MACROD2: variants seen among roughly 807,000 people sequenced by gnomAD.
MACROD2 encodes the protein mono-ADP ribosylhydrolase 2.
Under a neutral mutation model 70.4 loss-of-function variants are expected in MACROD2, and 36 were observed. That is an observed-to-expected ratio of 0.51 (90% CI 0.39 to 0.68). The LOEUF (loss-of-function observed/expected upper bound fraction) is 0.68. Among genes scored for constraint, MACROD2 ranks in the 30% least tolerant of loss-of-function variants. MACROD2 has a pLI of 0.00. For missense variants in MACROD2, 496 were observed against 538.4 expected (o/e 0.92, Z 0.78); for synonymous variants, 172 against 178.8 (o/e 0.96, Z 0.30).
intron 5 of MACROD2, among the ~76,000 whole-genome samples, chr20:14,977,025 C>T (rs2423891): frequency 0.015 from 2,243 of 152,222 alleles, 39 homozygotes; most frequent in Admixed American, 0.04. Context: ...TCAATGATCA[C>T]GTGATCGAAA....
At chr20:15,797,585 T>C (rs552638516) in intron 8 of MACROD2, among the ~76,000 whole-genome samples, 40 of 152,350 alleles carry the variant, frequency 2.6e-4, no homozygotes, top group African/African-American at 9.6e-4. Flanking sequence ...GTCTTCCTTA[T>C]ATCTCATGGG....
intron 4 of MACROD2, among the ~76,000 whole-genome samples, chr20:14,537,624 A>T (rs2085381747): frequency 6.6e-6 from 1 of 152,172 alleles, no homozygotes; most frequent in South Asian, 2.1e-4. Flanking sequence ...AGAGGACGTG[A>T]AGCAGGGCAT....
At chr20:15,424,369 C>T (rs1165428786) in intron 6 of MACROD2, among the ~76,000 whole-genome samples, 2 of 152,158 alleles carry the variant, frequency 1.3e-5, no homozygotes, top group African/African-American at 2.4e-5. Flanking sequence ...GTATATACTG[C>T]ACCCTAGTTA....
At chr20:15,118,365 G>A (rs1192132414) in intron 5 of MACROD2, among the ~76,000 whole-genome samples, 1 of 151,834 alleles carries the variant, frequency 6.6e-6, no homozygotes, top group Non-Finnish European at 1.5e-5. Context: ...GCTAATTTTT[G>A]TATTTTTAGT....
chr20:14,580,143 A>C (rs1298166349), intron 4 of MACROD2, among the ~76,000 whole-genome samples: 2 of 152,218 alleles, frequency 1.3e-5, no homozygotes, highest in Non-Finnish European at 2.9e-5. Flanking sequence ...AAGTACAAAT[A>C]GTCTAGTTGA....
intron 10 of MACROD2, among the ~76,000 whole-genome samples, chr20:15,886,777 A>G (rs1202630481): frequency 1.3e-5 from 2 of 152,138 alleles, no homozygotes; most frequent in African/African-American, 4.8e-5. Context: ...GTCATTTTCT[A>G]TAAGCTGAGT....
At chr20:15,511,447 G>C (rs1258237214) in intron 8 of MACROD2, among the ~76,000 whole-genome samples, 1 of 151,878 alleles carries the variant, frequency 6.6e-6, no homozygotes, top group African/African-American at 2.4e-5. Flanking sequence ...TTGATCATGG[G>C]GTCTTTAAAA....
chr20:15,100,038 T>C (rs977448759), intron 5 of MACROD2, among the ~76,000 whole-genome samples: 3 of 152,136 alleles, frequency 2.0e-5, no homozygotes, highest in Non-Finnish European at 4.4e-5. Context: ...TTTGTGCTCT[T>C]GTGTTTTGTG....
At position 14,475,349 on chromosome 20, in the gene MACROD2, AG is replaced by A. The variant is rs532784381; in HGVS notation, c.272-18129del. On this transcript the variant is annotated intron_variant, in intron 3 of 17. Coordinates refer to ENST00000684519, the MANE Select transcript of MACROD2 (RefSeq NM_001351661.2). Reference sequence around the variant, plus strand: ...ATTAATTAATATAATTATTTTTAATAGTTTTTCTTTTAGTCTTCATATTAAA... The same window carrying A: ...ATTAATTAATATAATTATTTTTAATATTTTTCTTTTAGTCTTCATATTAAA... Among the ~76,000 whole-genome samples, 7 of 152,098 alleles carry A rather than the reference AG, an allele frequency of 4.6e-5. No individual in the cohort carries two copies. The South Asian group carries it at 1.2e-3, about 27-fold the overall frequency.
At chr20:14,654,295 C>T (rs1486195827) in intron 4 of MACROD2, among the ~76,000 whole-genome samples, 1 of 144,034 alleles carries the variant, frequency 6.9e-6, no homozygotes, top group Non-Finnish European at 1.6e-5. Context: ...ACCTGTAATC[C>T]CAGCACTTTG....
intron 3 of MACROD2, among the ~76,000 whole-genome samples, chr20:14,423,310 A>C (rs913360143): frequency 1.3e-5 from 2 of 149,992 alleles, no homozygotes; most frequent in African/African-American, 2.5e-5. Context: ...TAAACTTTTG[A>C]GTTTTTTTCA....
At chr20:15,686,214 G>T (rs984014032) in intron 8 of MACROD2, among the ~76,000 whole-genome samples, 7 of 152,086 alleles carry the variant, frequency 4.6e-5, no homozygotes, top group Non-Finnish European at 7.4e-5. Flanking sequence ...AGACATTTTT[G>T]CTACTTAAAT....
intron 8 of MACROD2, among the ~76,000 whole-genome samples, chr20:15,832,687 G>A (rs2064069659): frequency 6.6e-6 from 1 of 152,188 alleles, no homozygotes; most frequent in Non-Finnish European, 1.5e-5. Context: ...TGCATCCCTG[G>A]CACACAAAGC....
chr20:15,709,236 G>A (rs1276033448), intron 8 of MACROD2, among the ~76,000 whole-genome samples: 4 of 152,324 alleles, frequency 2.6e-5, no homozygotes, highest in East Asian at 3.9e-4. Flanking sequence ...CCTGCAGATG[G>A]CGGTGAACGG....
At chr20:14,462,127 T>C (rs1600262101) in intron 3 of MACROD2, among the ~76,000 whole-genome samples, 1 of 152,186 alleles carries the variant, frequency 6.6e-6, no homozygotes, top group Non-Finnish European at 1.5e-5. Flanking sequence ...CCACAATGGT[T>C]GAACTAGTTT....
chr20:15,809,763 T>C (rs1303214562), intron 8 of MACROD2, among the ~76,000 whole-genome samples: 2 of 151,916 alleles, frequency 1.3e-5, no homozygotes, highest in African/African-American at 4.8e-5. Context: ...TTGCATCCCC[T>C]TTGCCTGGAA....
intron 3 of MACROD2, among the ~76,000 whole-genome samples, chr20:14,460,707 A>T (rs1439636742): frequency 6.6e-6 from 1 of 152,140 alleles, no homozygotes; most frequent in Non-Finnish European, 1.5e-5. Context: ...GGTTCTGCTT[A>T]TGTAATGGAT....
At chr20:14,720,561 T>G (rs2071454029) in intron 5 of MACROD2, among the ~76,000 whole-genome samples, 2 of 106,696 alleles carry the variant, frequency 1.9e-5, no homozygotes, top group African/African-American at 4.0e-5. Context: ...TTTTTTTTTT[T>G]TTTTTTTTTG....
At chr20:14,242,244 T>C (rs1340204593) in intron 3 of MACROD2, among the ~76,000 whole-genome samples, 3 of 152,196 alleles carry the variant, frequency 2.0e-5, no homozygotes, top group Non-Finnish European at 4.4e-5. Context: ...TTTGTTTTTA[T>C]ATTCAGTACT....
Sources: allele counts gnomAD v4.1 joint callset (sites outside exome capture counted in the v4.1 genomes callset), GRCh38; gene constraint gnomAD v4.1.1; transcripts MANE v1.5; gene names NCBI Gene and HGNC (gene_info 2026-07-23, HGNC 2026-07-21).